PRORP: variants seen among roughly 807,000 people sequenced by gnomAD.
PRORP encodes the protein mitochondrial ribonuclease P catalytic subunit.
A neutral mutation model predicts 59.4 loss-of-function variants in PRORP; 51 were observed. That is an observed-to-expected ratio of 0.86 (90% confidence interval 0.69 to 1.08). The LOEUF (loss-of-function observed/expected upper bound fraction) is 1.08. Ranked by LOEUF, PRORP falls within the 50% of genes least tolerant of loss-of-function variation. The pLI is 0.00. For synonymous variants in PRORP, 231 were observed against 245.6 expected (o/e 0.94, Z 0.55); for missense variants, 646 against 690.3 (o/e 0.94, Z 0.72).
intron 5 of PRORP, among the ~76,000 whole-genome samples, chr14:35,214,885 C>T (rs548096040): frequency 9.7e-4 from 147 of 152,232 alleles, no homozygotes; most frequent in African/African-American, 1.8e-3. Context: ...CCAGCCTGGG[C>T]GACAGAGCGA....
At chr14:35,267,067 C>T (rs2295463) in intron 6 of PRORP, among the ~76,000 whole-genome samples, 192 bp downstream of exon 6, 2,381 of 150,494 alleles carry the variant, frequency 0.016, 39 homozygotes, top group South Asian at 0.055. Flanking sequence ...ACAGTTTCTA[C>T]GGCAGGATAA....
At chr14:35,247,107 G>A (rs2050506007) in intron 5 of PRORP, among the ~76,000 whole-genome samples, 1 of 152,194 alleles carries the variant, frequency 6.6e-6, no homozygotes, top group Admixed American at 6.6e-5. Flanking sequence ...GTACATAGTA[G>A]AATTAGAATC....
At chr14:35,236,738 G>A (rs1566516827) in intron 5 of PRORP, among the ~76,000 whole-genome samples, 1 of 151,708 alleles carries the variant, frequency 6.6e-6, no homozygotes, top group East Asian at 1.9e-4. Flanking sequence ...AAATGTTGGT[G>A]TTCTCTGATG....
Position 35,276,092 on chromosome 14 carries a change from G to C in PRORP, c.*2526G>C, listed in dbSNP as rs2051290843. On this transcript the variant is annotated 3_prime_UTR_variant, in exon 8 of 8. Transcript: ENST00000534898. ...GGGAGGCCAAATGGGAGAATTGCTT[G>C]AAGCCAGGAGTTGGAGACCAGCCTA... The C allele has an allele frequency of 6.6e-6, 1 of 152,388 alleles. No individual in the cohort carries two copies. Among genetic ancestry groups the C allele is most frequent in the Non-Finnish European group, 1.5e-5 (1 of 68,204 alleles). The allele number at this position is 152,388 out of a possible 1,614,324, so 9.4% of individuals were successfully genotyped here. A position where few individuals can be genotyped will look rare whatever the true frequency, so the allele number is the denominator to read the frequency against.
intron 5 of PRORP, among the ~76,000 whole-genome samples, chr14:35,250,430 G>A (rs1015504674): frequency 1.3e-5 from 2 of 152,118 alleles, no homozygotes; most frequent in African/African-American, 4.8e-5. Context: ...AGGGATCTGT[G>A]AACTTCCTCC....
chr14:35,149,295 G>T (rs934753383), intron 4 of PRORP, among the ~76,000 whole-genome samples: 3 of 151,620 alleles, frequency 2.0e-5, no homozygotes, highest in African/African-American at 7.3e-5. Context: ...GTCCACTGGG[G>T]CCTCGAACTC....
intron 4 of PRORP, among the ~76,000 whole-genome samples, chr14:35,154,891 G>C (rs2047872709): frequency 6.6e-6 from 1 of 151,056 alleles, no homozygotes; most frequent in Non-Finnish European, 1.5e-5. Context: ...TAATGCTAGT[G>C]AGTTAAAACT....
At chr14:35,129,471 G>C (rs1477428405) in intron 4 of PRORP, among the ~76,000 whole-genome samples, 1 of 149,598 alleles carries the variant, frequency 6.7e-6, no homozygotes, top group East Asian at 1.9e-4. Flanking sequence ...TGTATCTGTT[G>C]TATTTTTCTT....
chr14:35,151,639 T>TACACACACACACACACACAC (rs55940352), intron 4 of PRORP, among the ~76,000 whole-genome samples: 2 of 141,728 alleles, frequency 1.4e-5, no homozygotes, highest in African/African-American at 5.2e-5. Context: ...CACACACACA[T>TACACACACACACACACACAC]ACACACACAC....
chr14:35,225,652 G>A (rs2049915760), intron 5 of PRORP, among the ~76,000 whole-genome samples: 1 of 151,848 alleles, frequency 6.6e-6, no homozygotes, highest in African/African-American at 2.4e-5. Context: ...TGGCCCACTT[G>A]GTGTATTTTA....
At chr14:35,227,870 C>T (rs552589037) in intron 5 of PRORP, among the ~76,000 whole-genome samples, 2 of 152,204 alleles carry the variant, frequency 1.3e-5, no homozygotes, top group African/African-American at 2.4e-5. Context: ...ATCAGCCGGG[C>T]GCAGTGGCTC....
chr14:35,241,357 G>C (rs1164628455), intron 5 of PRORP, among the ~76,000 whole-genome samples: 2 of 151,458 alleles, frequency 1.3e-5, no homozygotes, highest in Non-Finnish European at 2.9e-5. Context: ...CAGCCTGGGT[G>C]ACAGAGGGAG....
At chr14:35,153,139 G>T (rs997364035) in intron 4 of PRORP, among the ~76,000 whole-genome samples, 3 of 152,254 alleles carry the variant, frequency 2.0e-5, no homozygotes, top group Non-Finnish European at 4.4e-5. Context: ...CTCAATCCCG[G>T]CACCTCGGGA....
chr14:35,197,841 G>T (rs1251080258), intron 5 of PRORP, among the ~76,000 whole-genome samples: 6 of 152,166 alleles, frequency 3.9e-5, no homozygotes, highest in Non-Finnish European at 7.4e-5. Flanking sequence ...AGGGTACAAA[G>T]GGAAAATAAG....
intron 7 of PRORP, among the ~76,000 whole-genome samples, chr14:35,272,662 GAGGGC>G (rs1474575141): frequency 1.3e-5 from 2 of 152,184 alleles, no homozygotes; most frequent in African/African-American, 4.8e-5. Context: ...TCTGAGATGG[GAGGGC>G]AGCGTATGGA....
At chr14:35,236,457 T>TA (rs2050217239) in intron 5 of PRORP, among the ~76,000 whole-genome samples, 1 of 152,302 alleles carries the variant, frequency 6.6e-6, no homozygotes, top group East Asian at 1.9e-4. Context: ...CCCTAACCCC[T>TA]AAGCCCACTG....
intron 5 of PRORP, among the ~76,000 whole-genome samples, chr14:35,239,605 C>G (rs2138535623): frequency 6.6e-6 from 1 of 152,272 alleles, no homozygotes; most frequent in African/African-American, 2.4e-5. Context: ...AAACAAGATT[C>G]TCGTGACCTT....
intron 5 of PRORP, among the ~76,000 whole-genome samples, chr14:35,250,090 A>G (rs1195898629): frequency 6.6e-6 from 1 of 152,100 alleles, no homozygotes; most frequent in Non-Finnish European, 1.5e-5. Flanking sequence ...TCTATAAAAA[A>G]TACAAAAAAT....
intron 5 of PRORP, among the ~76,000 whole-genome samples, chr14:35,249,990 G>A (rs4393481): frequency 0.022 from 3,376 of 152,242 alleles, 117 homozygotes; most frequent in African/African-American, 0.073. Context: ...GGTCATGCCT[G>A]TAATCCCAGC....
Sources: gnomAD v4.1 joint callset for allele counts (sites outside exome capture counted in the v4.1 genomes callset) on GRCh38, gnomAD v4.1.1 for gene constraint, MANE v1.5 for transcripts, NCBI Gene and HGNC (gene_info 2026-07-23, HGNC 2026-07-21) for gene names.